The following B2M variants were observed in gnomAD, a reference collection of about 807,000 sequenced individuals.
The protein encoded by B2M is beta chain of MHC class I molecules.
In B2M, 3 loss-of-function variants were observed where a neutral mutation model predicts 14.5. The ratio of observed to expected loss-of-function variants is 0.21; its 90% CI spans 0.09 to 0.53. B2M has a LOEUF of 0.53. B2M is among the 20% of genes least tolerant of loss of function. B2M has a pLI of 0.95. For synonymous variants in B2M, 45 were observed against 52.7 expected (o/e 0.85, Z 0.64); for missense variants, 107 against 140.8 (o/e 0.76, Z 1.21).
At chr15:44,713,322 T>G (rs1239799366) in intron 1 of B2M, 1 of 152,230 alleles carries the variant, frequency 6.6e-6, no homozygotes, top group Admixed American at 6.5e-5. Context: ...AGATGTCATT[T>G]TAAAAAATAA....
At chr15:44,712,148 C>G in intron 1 of B2M, 1 of 264,178 alleles carries the variant, frequency 3.8e-6, no homozygotes, top group Non-Finnish European at 7.6e-6. Flanking sequence ...GCTAAGTTCG[C>G]ATGTCCTAGC....
chr15:44,715,169 A>T lies in B2M; in HGVS notation c.68-254A>T, dbSNP rs140226723. 2.0e-4 allele frequency: 112 copies of T among 561,434 alleles called. 2 individuals carry two copies. In the East Asian group the frequency reaches 3.4e-3, roughly 17 times the overall value. 34.8% of individuals were successfully genotyped at this position (561,434 alleles called of 1,614,324 possible). A position where few individuals can be genotyped will look rare whatever the true frequency, so the allele number is the denominator to read the frequency against. On this transcript the variant is annotated intron_variant, in intron 1 of 3. Transcript: ENST00000648006. ...CTCCAGTGACAGAAGATACTGCTAG[A>T]AATCTGCTAGAAAAAAAACAAAAAA...
chr15:44,714,919 AAGG>A, intron 1 of B2M: 1 of 205,974 alleles, frequency 4.9e-6, no homozygotes, highest in Non-Finnish European at 1.0e-5. Context: ...ACCAAAAAGA[AAGG>A]CATAAACATA....
Position 44,716,472 on chromosome 15 carries a change from G to T in B2M, c.*14+116G>T, listed in dbSNP as rs1846235111. 4.2e-6 allele frequency: 5 copies of T among 1,183,654 alleles called. 1 individual carries two copies. The South Asian group carries it at 6.2e-5, about 15-fold the overall frequency. The allele number at this position is 1,183,654 out of a possible 1,614,324, so 73.3% of individuals were successfully genotyped here. ...AGAACATTGACAGAGTAACATTTTA[G>T]CAGGGAAAGAAGAATCCTACAGGGT... On this transcript the variant is annotated intron_variant, in intron 3 of 3. Transcript: ENST00000648006.
At chr15:44,716,674 T>C in intron 3 of B2M, 1 of 444,686 alleles carries the variant, frequency 2.2e-6, no homozygotes, top group Non-Finnish European at 4.1e-6. Context: ...ATTTCCACAT[T>C]GGACATCTCT....
chr15:44,714,224 A>T (rs971480540), intron 1 of B2M: 4 of 152,162 alleles, frequency 2.6e-5, no homozygotes, highest in Non-Finnish European at 5.9e-5. Flanking sequence ...TGTCACATGC[A>T]TTACTCCATT....
At chr15:44,716,131 T>C (rs1035402258) in intron 2 of B2M, 198 bp from the exon 3 acceptor site, 6 of 648,570 alleles carry the variant, frequency 9.3e-6, no homozygotes, top group Non-Finnish European at 1.6e-5. Flanking sequence ...CTCCAGTACT[T>C]TCTGGCTGGA....
intron 3 of B2M, chr15:44,716,600 G>GTAT: frequency 1.8e-6 from 1 of 555,888 alleles, no homozygotes; most frequent in Non-Finnish European, 3.2e-6. Flanking sequence ...TGCCAGTATG[G>GTAT]TATTGCAGGA....
intron 1 of B2M, chr15:44,711,940 G>T: frequency 2.0e-6 from 1 of 498,468 alleles, no homozygotes; most frequent in Non-Finnish European, 3.7e-6. Context: ...TTTCTCTTCC[G>T]CTCTTTCGCG....
At chr15:44,714,733 C>T (rs922493473) in intron 1 of B2M, 2 of 152,458 alleles carry the variant, frequency 1.3e-5, no homozygotes, top group African/African-American at 2.4e-5. Flanking sequence ...AATGAGATTC[C>T]ATCCCAAAAA....
chr15:44,712,137 C>G (rs1392075279), intron 1 of B2M: 1 of 261,480 alleles, frequency 3.8e-6, no homozygotes, highest in Non-Finnish European at 7.7e-6. Context: ...TCTAGGCGCC[C>G]GCTAAGTTCG....
chr15:44,713,606 A>G (rs188115778), intron 1 of B2M: 1 of 152,208 alleles, frequency 6.6e-6, no homozygotes, highest in East Asian at 1.9e-4. Flanking sequence ...CCTGTCTGAT[A>G]CTTGTCCTCT....
intron 3 of B2M, 94 bp from the exon 4 acceptor site, chr15:44,717,513 G>A (rs568672618): frequency 6.6e-6 from 1 of 152,036 alleles, no homozygotes; most frequent in African/African-American, 2.4e-5. Flanking sequence ...TTTTAAAAAG[G>A]TGATCTACAC....
intron 1 of B2M, chr15:44,713,992 A>C (rs980068303): frequency 6.6e-6 from 1 of 152,334 alleles, no homozygotes; most frequent in Middle Eastern, 3.4e-3. Flanking sequence ...TTTTATACAC[A>C]TATATTTAGT....
chr15:44,714,983 G>T (rs1193104711), intron 1 of B2M: 2 of 240,726 alleles, frequency 8.3e-6, no homozygotes, highest in African/African-American at 2.3e-5. Flanking sequence ...TGAGTAATTT[G>T]ATGGGGGCTA....
chr15:44,714,261 C>T (rs1161817429), intron 1 of B2M: 2 of 152,212 alleles, frequency 1.3e-5, no homozygotes, highest in Non-Finnish European at 2.9e-5. Context: ...TATGTTCTGT[C>T]CCATTTGCCA....
intron 1 of B2M, 191 bp downstream of exon 1, chr15:44,711,804 C>T (rs2141285121): frequency 1.3e-6 from 1 of 754,988 alleles, no homozygotes; most frequent in Non-Finnish European, 2.3e-6. Context: ...GGGGTGCGCA[C>T]CCGGGACGCG....
At position 44,715,684 on chromosome 15, in the gene B2M, C is replaced by A. The variant is rs2141289175; in HGVS notation, c.329C>A (p.Pro110His). The change falls in exon 2 of 4, where the codon CCC (proline) becomes CAC (histidine). Residue 110 changes from proline to histidine, a missense_variant. By Grantham distance (77) the Pro-to-His change is moderately conservative. Transcript: ENST00000648006. ...GTGAACCATGTGACTTTGTCACAGC[C>A]CAAGATAGTTAAGTGGGGTAAGTCT... Reference protein sequence around the residue: ...CRVNHVTLSQPKIVKWDRDM With the variant: ...CRVNHVTLSQHKIVKWDRDM The A allele has an allele frequency of 6.2e-7, 1 of 1,614,140 alleles. No individual in the cohort carries two copies. Among genetic ancestry groups the A allele is most frequent in the Non-Finnish European group, 8.5e-7 (1 of 1,180,038 alleles).
At chr15:44,715,314 A>T in intron 1 of B2M, 109 bp from the exon 2 acceptor site, 1 of 1,316,996 alleles carries the variant, frequency 7.6e-7, no homozygotes, top group Non-Finnish European at 1.1e-6. Context: ...AATTGGGAGA[A>T]ATCGATGACC....
Sources: gnomAD v4.1 joint callset for allele counts on GRCh38, gnomAD v4.1.1 for gene constraint, MANE v1.5 for transcripts, NCBI Gene and HGNC (gene_info 2026-07-23, HGNC 2026-07-21) for gene names.